The following TAFA1 variants were observed in gnomAD, a reference collection of about 807,000 sequenced individuals.
TAFA1 encodes the protein TAFA chemokine like family member 1.
TAFA1 carries 4 observed loss-of-function variants against 18.5 expected under a neutral mutation model. The ratio of observed to expected loss-of-function variants is 0.22; its 90% CI spans 0.11 to 0.49. The LOEUF (loss-of-function observed/expected upper bound fraction) is 0.49. TAFA1 is among the 20% of genes least tolerant of loss of function. TAFA1 has a pLI of 0.98. For synonymous variants in TAFA1, 56 were observed against 55.2 expected (o/e 1.01, Z -0.06); for missense variants, 147 against 169.0 (o/e 0.87, Z 0.72).
chr3:68,008,191 T>C (rs2106771349), intron 2 of TAFA1, among the ~76,000 whole-genome samples: 1 of 152,366 alleles, frequency 6.6e-6, no homozygotes, highest in Middle Eastern at 3.4e-3. Context: ...CTTGTATTTC[T>C]GCATCCTGTG....
intron 2 of TAFA1, among the ~76,000 whole-genome samples, chr3:68,017,635 A>G (rs962907428): frequency 2.6e-5 from 4 of 152,194 alleles, no homozygotes; most frequent in Non-Finnish European, 5.9e-5. Context: ...AAAGAAGAAA[A>G]TGACCTAAGT....
chr3:68,451,769 A>G (rs1157858333), intron 3 of TAFA1, among the ~76,000 whole-genome samples: 1 of 152,206 alleles, frequency 6.6e-6, no homozygotes, highest in Non-Finnish European at 1.5e-5. Context: ...ATCTGTTAAG[A>G]ATGAAAGAGT....
chr3:68,341,239 G>A (rs188750776), intron 2 of TAFA1, among the ~76,000 whole-genome samples: 1 of 152,128 alleles, frequency 6.6e-6, no homozygotes. Context: ...GTGGTTAGGG[G>A]CTCAAGAAGT....
intron 2 of TAFA1, among the ~76,000 whole-genome samples, chr3:68,101,712 C>T (rs2065149495): frequency 1.3e-5 from 2 of 152,062 alleles, no homozygotes; most frequent in South Asian, 2.1e-4. Flanking sequence ...GAACTGAGAC[C>T]ATTGCTAGGT....
At chr3:68,120,242 TTTC>T (rs1177115824) in intron 2 of TAFA1, among the ~76,000 whole-genome samples, 2 of 128,450 alleles carry the variant, frequency 1.6e-5, no homozygotes, top group African/African-American at 6.4e-5. Context: ...TCTTTCTTTC[TTTC>T]TTTCTTTCTT....
chr3:68,465,881 T>C (rs2071877315), intron 3 of TAFA1, among the ~76,000 whole-genome samples: 1 of 151,686 alleles, frequency 6.6e-6, no homozygotes. Flanking sequence ...CAAAAGAAGA[T>C]AATACACTAG....
intron 2 of TAFA1, among the ~76,000 whole-genome samples, chr3:68,402,267 C>G (rs1428571017): frequency 6.6e-6 from 1 of 152,128 alleles, no homozygotes; most frequent in African/African-American, 2.4e-5. Context: ...TGCTGACATG[C>G]CTGGAGAGGG....
At chr3:68,329,463 T>G (rs17047523) in intron 2 of TAFA1, among the ~76,000 whole-genome samples, 11,588 of 152,066 alleles carry the variant, frequency 0.076, 704 homozygotes, top group African/African-American at 0.17. Flanking sequence ...TCTATTCAGT[T>G]CCAGTTCTGT....
chr3:68,115,374 C>T (rs2106845674), intron 2 of TAFA1, among the ~76,000 whole-genome samples: 1 of 152,240 alleles, frequency 6.6e-6, no homozygotes, highest in South Asian at 2.1e-4. Context: ...GATGATACCG[C>T]TACTATGTCA....
chr3:68,306,054 A>T (rs188117342), intron 2 of TAFA1, among the ~76,000 whole-genome samples: 5 of 152,356 alleles, frequency 3.3e-5, no homozygotes, highest in Admixed American at 6.5e-5. Flanking sequence ...GGAGGAAAAA[A>T]AATACAAAAC....
At chr3:68,381,285 A>G (rs1425731530) in intron 2 of TAFA1, among the ~76,000 whole-genome samples, 1 of 151,412 alleles carries the variant, frequency 6.6e-6, no homozygotes, top group African/African-American at 2.4e-5. Flanking sequence ...ACTTTAAAGT[A>G]GTTTTTTCCA....
chr3:68,013,479 C>T (rs1415110481), intron 2 of TAFA1, among the ~76,000 whole-genome samples: 1 of 152,102 alleles, frequency 6.6e-6, no homozygotes, highest in African/African-American at 2.4e-5. Context: ...CTAAGGTTTT[C>T]AGTCACAGGT....
chr3:68,364,300 T>C (rs1386494524), intron 2 of TAFA1, among the ~76,000 whole-genome samples: 1 of 152,188 alleles, frequency 6.6e-6, no homozygotes, highest in Non-Finnish European at 1.5e-5. Flanking sequence ...ACAGGCCAGA[T>C]AACTGGGCAC....
At chr3:68,475,823 T>C (rs2072083643) in intron 3 of TAFA1, among the ~76,000 whole-genome samples, 1 of 152,148 alleles carries the variant, frequency 6.6e-6, no homozygotes, top group Admixed American at 6.5e-5. Context: ...CAGCACCTGT[T>C]GTTTCCTGAC....
intron 2 of TAFA1, among the ~76,000 whole-genome samples, chr3:68,412,648 T>C (rs1468027217): frequency 6.6e-6 from 1 of 152,094 alleles, no homozygotes; most frequent in Admixed American, 6.5e-5. Flanking sequence ...GTCCTTGTGA[T>C]AGTTTGCTCA....
chr3:68,500,626 G>A (rs2072640297), intron 3 of TAFA1, among the ~76,000 whole-genome samples: 1 of 151,970 alleles, frequency 6.6e-6, no homozygotes, highest in Non-Finnish European at 1.5e-5. Context: ...CTGCTTTTGT[G>A]ATGTCATGAC....
intron 2 of TAFA1, among the ~76,000 whole-genome samples, chr3:68,208,195 A>C (rs2066550152): frequency 6.6e-6 from 1 of 151,932 alleles, no homozygotes; most frequent in Non-Finnish European, 1.5e-5. Flanking sequence ...TCTGCCTATG[A>C]TCCATGCACC....
intron 2 of TAFA1, among the ~76,000 whole-genome samples, chr3:68,263,446 TACACACAC>T (rs3033685): frequency 6.5e-5 from 9 of 137,686 alleles, no homozygotes; most frequent in African/African-American, 1.3e-4. Context: ...CACACACACA[TACACACAC>T]ACACACACAC....
chr3:68,011,065 C>G (rs772356855), intron 2 of TAFA1, among the ~76,000 whole-genome samples: 2 of 127,916 alleles, frequency 1.6e-5, no homozygotes, highest in Non-Finnish European at 3.1e-5. Context: ...GAGTTTTTCC[C>G]CTTATGGATA....
Sources: allele counts gnomAD v4.1 joint callset (sites outside exome capture counted in the v4.1 genomes callset), GRCh38; gene constraint gnomAD v4.1.1; transcripts MANE v1.5; gene names NCBI Gene and HGNC (gene_info 2026-07-23, HGNC 2026-07-21).